ADGRB2: variants seen among roughly 807,000 people sequenced by gnomAD.
ADGRB2 encodes the protein brain-specific angiogenesis inhibitor 2.
ADGRB2 carries 47 observed loss-of-function variants against 178.7 expected under a neutral mutation model. The observed-to-expected ratio is 0.26, with a 90% confidence interval of 0.21 to 0.34. The LOEUF is 0.34. Ranked by LOEUF, ADGRB2 falls within the 10% of genes least tolerant of loss-of-function variation. The probability of loss-of-function intolerance (pLI) is 1.00; values close to 1 mark genes in which losing one functional copy is unlikely to be tolerated. For synonymous variants in ADGRB2, 870 were observed against 912.4 expected (o/e 0.95, Z 0.84); for missense variants, 1,584 against 2,180.8 (o/e 0.73, Z 5.45).
At chr1:31,739,665 G>A in intron 14 of ADGRB2, 30 bp from the exon 15 acceptor site, 1 of 1,548,044 alleles carries the variant, frequency 6.5e-7, no homozygotes, top group Non-Finnish European at 8.7e-7. Context: ...GACAGAGACA[G>A]ACAGAGGGGC....
rs774313895 is a variant in ADGRB2 at position 31,756,325 on chromosome 1, C to T, written c.512G>A (p.Arg171His). ...CLSAEPSEAP[R>H]LLAPAALAFR... ...GGCTAGGGCAGCGGGCGCCAGCAGG[C>T]GCGGGGCCTCGGAGGGCTCAGCCGA... Residue 171 changes from arginine (R) to histidine (H), a missense_variant, in exon 4 of 33, where the codon CGC becomes CAC. Transcript: ENST00000373658. The surrounding 1 kb of genome is among the most constrained non-coding windows in gnomAD (Gnocchi z 8.5). The T allele has an allele frequency of 6.2e-6, 10 of 1,612,914 alleles. No homozygotes were observed. The Admixed American group carries it at 8.3e-5, about 13-fold the overall frequency.
rs1645579383 is a variant in ADGRB2, at chr1:31,735,884, G to A, written c.3210C>T (p.Leu1070=). Reference sequence around the variant, plus strand: ...CGTAGAGCAGGCCGCCCTCCAGGGAGAGCCAGCAGCTGGGGTGGGGGAGAA... The same window carrying A: ...CGTAGAGCAGGCCGCCCTCCAGGGAAAGCCAGCAGCTGGGGTGGGGGAGAA... The part of the protein sequence containing the change: ...KGYGTSSYCW[L]SLEGGLLYAF... The change falls in exon 23 of 33, where the codon CTC becomes CTT. Residue 1070 remains leucine, a synonymous_variant. Transcript: ENST00000373658. This position sits in a 1 kb window ranked among gnomAD's most constrained non-coding sequence, Gnocchi z 6.0. 2 of 1,597,844 alleles carry A rather than the reference G, an allele frequency of 1.3e-6. No homozygotes were observed. Among genetic ancestry groups the A allele is most frequent in the South Asian group, 1.1e-5 (1 of 88,626 alleles).
Position 31,730,815 on chromosome 1 carries a change from C to T in ADGRB2, c.4365G>A (p.Lys1455=). 1 of 1,504,708 alleles carries T rather than the reference C, an allele frequency of 6.6e-7. No homozygotes were observed. The highest frequency in any genetic ancestry group is 8.9e-7 in the Non-Finnish European group (1 of 1,126,644). The allele number at this position is 1,504,708 out of a possible 1,614,324, so 93.2% of individuals were successfully genotyped here. A position where few individuals can be genotyped will look rare whatever the true frequency, so the allele number is the denominator to read the frequency against. ...MPRTVPGSTM[K]MGSLERKKLR... ...AGCCCCTCACCTCCAGGGAGCCCAT[C>T]TTCATGGTAGAGCCGGGCACGGTGC... The change falls in exon 29 of 33, where the codon AAG becomes AAA. Residue 1455 remains lysine, a synonymous_variant. Coordinates refer to ENST00000373658, the MANE Select transcript of ADGRB2 (RefSeq NM_001364857.2).
In ADGRB2 at chr1:31,731,254, G is replaced by A. The variant is rs1265353433; in HGVS notation, c.3926C>T (p.Ser1309Leu). The A allele has an allele frequency of 6.2e-7, 1 of 1,609,358 alleles. No individual in the cohort carries two copies. The highest frequency in any genetic ancestry group is 8.5e-7 in the Non-Finnish European group (1 of 1,178,540). The change falls in exon 29 of 33, where the codon TCA becomes TTA. Residue 1309 changes from serine (S) to leucine (L), a missense_variant. Transcript: ENST00000373658. ...GGGCGGAGGCTCCCCCAGCCCTGGT[G>A]AGGCTGCCATGGGCACCAGGATATT... ...PGNILVPMAA[S>L]PGLGEPPPPQ...
Position 31,759,602 on chromosome 1 carries a change from C to T in ADGRB2, c.-190-2091G>A, listed in dbSNP as rs116933207. Among the ~76,000 whole-genome samples the T allele has an allele frequency of 9.4e-4, 143 of 152,330 alleles. 1 individual carries two copies. In the East Asian group the frequency reaches 0.026, roughly 28 times the overall value. ...CACCTTCACGCTCATTCTGGGATTTCGTCCTGGACATGCGTAACCCTCACT... is the reference window on the plus strand; with the variant it reads ...CACCTTCACGCTCATTCTGGGATTTTGTCCTGGACATGCGTAACCCTCACT... On this transcript the variant is annotated intron_variant, in intron 1 of 32. Coordinates refer to ENST00000373658, the MANE Select transcript of ADGRB2 (RefSeq NM_001364857.2). This position sits in a 1 kb window ranked among gnomAD's most constrained non-coding sequence, Gnocchi z 4.3.
In ADGRB2 at chr1:31,756,328, G is replaced by T; in HGVS notation, c.509C>A (p.Pro170Gln). ...LCLSAEPSEA[P>Q]RLLAPAALAF... ...TAGGGCAGCGGGCGCCAGCAGGCGC[G>T]GGGCCTCGGAGGGCTCAGCCGACAG... The change falls in exon 4 of 33, where the codon CCG becomes CAG. Residue 170 changes from proline to glutamine, a missense_variant. Physicochemically the swap from Pro to Gln is moderately conservative, Grantham distance 76. Around this residue, in one of 3 missense-constraint regions of ADGRB2, gnomAD observed 657 missense variants for 847.6 expected, o/e 0.78. Transcript: ENST00000373658. This position sits in a 1 kb window ranked among gnomAD's most constrained non-coding sequence, Gnocchi z 8.5. The T allele has an allele frequency of 6.2e-7, 1 of 1,612,902 alleles. No homozygotes were observed. Among genetic ancestry groups the T allele is most frequent in the Non-Finnish European group, 8.5e-7 (1 of 1,179,938 alleles).
chr1:31,751,397 G>C (rs1395015311), intron 4 of ADGRB2, among the ~76,000 whole-genome samples: 1 of 152,220 alleles, frequency 6.6e-6, no homozygotes, highest in African/African-American at 2.4e-5. Flanking sequence ...TGATGTAATT[G>C]ATGGTACCCA....
At position 31,735,704 on chromosome 1, in the gene ADGRB2, A is replaced by G. The variant is rs763830458; in HGVS notation, c.3268-39T>C. On this transcript the variant is annotated intron_variant, in intron 23 of 32. Coordinates refer to ENST00000373658, the MANE Select transcript of ADGRB2 (RefSeq NM_001364857.2). This position sits in a 1 kb window ranked among gnomAD's most constrained non-coding sequence, Gnocchi z 6.0. The stretch of plus-strand genomic sequence containing the variant: ...AGAGTGGAGTGGGGGAGACAGGATC[A>G]CCAGGTGCCCTCCTGGCAGGGAAAT... 1 of 1,574,894 alleles carries G rather than the reference A, an allele frequency of 6.3e-7. No individual in the cohort carries two copies. The highest frequency in any genetic ancestry group is 1.2e-5 in the South Asian group (1 of 85,384).
rs372903014 is a variant in ADGRB2 at position 31,731,183 on chromosome 1, G to A, written c.3997C>T (p.Arg1333Trp). The A allele has an allele frequency of 2.5e-6, 4 of 1,598,908 alleles. No individual in the cohort carries two copies. The highest frequency in any genetic ancestry group is 1.1e-5 in the South Asian group (1 of 88,776). ...CGCAGCCATGTGAGGTCCAGCTGCCGCAGGCCACCCTCCCCACACATGTAA... is the reference window on the plus strand; with the variant it reads ...CGCAGCCATGTGAGGTCCAGCTGCCACAGGCCACCCTCCCCACACATGTAA... Reference protein sequence around the residue: ...PVYMCGEGGLRQLDLTWLRPT... With the variant: ...PVYMCGEGGLWQLDLTWLRPT... The change falls in exon 29 of 33, where the codon CGG becomes TGG. Residue 1333 changes from arginine to tryptophan, a missense_variant. Coordinates refer to ENST00000373658, the MANE Select transcript of ADGRB2 (RefSeq NM_001364857.2).
intron 6 of ADGRB2, chr1:31,743,453 A>C: frequency 6.5e-6 from 1 of 153,462 alleles, no homozygotes; most frequent in Non-Finnish European, 1.4e-5. Context: ...ACAAATAAAC[A>C]TGAACCTCTA....
At position 31,744,091 on chromosome 1, in the gene ADGRB2, T is replaced by C. The variant is rs190340561; in HGVS notation, c.1087+102A>G. ...GTGGGGAACAGCCACATTTGTTGAA[T>C]GAAAGGAGGAGGCAACCAACCATTT... On this transcript the variant is annotated intron_variant, in intron 6 of 32. Coordinates refer to ENST00000373658, the MANE Select transcript of ADGRB2 (RefSeq NM_001364857.2). This position sits in a 1 kb window ranked among gnomAD's most constrained non-coding sequence, Gnocchi z 6.7. The C allele has an allele frequency of 7.3e-7, 1 of 1,374,636 alleles. No individual in the cohort carries two copies. Among genetic ancestry groups the C allele is most frequent in the Non-Finnish European group, 9.7e-7 (1 of 1,031,168 alleles). 85.2% of individuals were successfully genotyped at this position (1,374,636 alleles called of 1,614,324 possible).
rs956985553 is a variant in ADGRB2, at chr1:31,755,645, G to C, written c.838+354C>G. Among the ~76,000 whole-genome samples, 21 of 151,806 alleles carry C rather than the reference G, an allele frequency of 1.4e-4. No homozygotes were observed. The highest frequency in any genetic ancestry group is 4.8e-4 in the African/African-American group (20 of 41,312). Reference sequence around the variant, plus strand: ...CCTTGGGCCTTTGTGCACCCTTCTTGCTCTGCCTAGAATGCCCTCATCTCA... The same window carrying C: ...CCTTGGGCCTTTGTGCACCCTTCTTCCTCTGCCTAGAATGCCCTCATCTCA... On this transcript the variant is annotated intron_variant, in intron 4 of 32. Coordinates refer to ENST00000373658, the MANE Select transcript of ADGRB2 (RefSeq NM_001364857.2). This position sits in a 1 kb window ranked among gnomAD's most constrained non-coding sequence, Gnocchi z 5.1.
intron 4 of ADGRB2, among the ~76,000 whole-genome samples, chr1:31,745,053 G>A (rs569924135): frequency 5.9e-5 from 9 of 152,260 alleles, no homozygotes; most frequent in African/African-American, 1.4e-4. Context: ...TGCCAAGTGC[G>A]GCCCATAACC....
chr1:31,737,576 T>A, intron 19 of ADGRB2, 45 bp from the exon 20 acceptor site: 1 of 1,611,470 alleles, frequency 6.2e-7, no homozygotes. Context: ...GGCTGCCCCA[T>A]CCGACCTGGT....
rs747465394 is a variant in ADGRB2 at position 31,741,848 on chromosome 1, C to T, written c.1537G>A (p.Glu513Lys). Residue 513 changes from glutamate to lysine, a missense_variant, in exon 9 of 33, where the codon GAG becomes AAG. Glu to Lys is a moderately conservative substitution (Grantham distance 56, BLOSUM62 1). Around this residue, in one of 3 missense-constraint regions of ADGRB2, gnomAD observed 657 missense variants for 847.6 expected, o/e 0.78. Transcript: ENST00000373658. This position sits in a 1 kb window ranked among gnomAD's most constrained non-coding sequence, Gnocchi z 6.5. ...QATGTQGYPCEGTGEEVKPCS... is the reference protein window; with the variant it reads ...QATGTQGYPCKGTGEEVKPCS... ...GGCTTCACCTCCTCTCCGGTGCCCT[C>T]GCAGGGGTAGCCCTGCGTGCCCGTG... The T allele has an allele frequency of 5.6e-6, 9 of 1,605,942 alleles. No individual in the cohort carries two copies. The highest frequency in any genetic ancestry group is 2.2e-5 in the East Asian group (1 of 44,736).
At chr1:31,731,442 G>A (rs761343360) in intron 28 of ADGRB2, 23 bp from the exon 29 acceptor site, 1 of 1,560,282 alleles carries the variant, frequency 6.4e-7, no homozygotes, top group Non-Finnish European at 8.7e-7. Flanking sequence ...GTGGGAGGGA[G>A]GGGGTGAGTC....
intron 14 of ADGRB2, 51 bp from the exon 15 acceptor site, chr1:31,739,686 G>A (rs768984613): frequency 1.8e-5 from 27 of 1,529,908 alleles, no homozygotes; most frequent in Middle Eastern, 1.7e-4. Flanking sequence ...AGAAACAAAG[G>A]GTGGCAGACC....
At chr1:31,749,388 C>A (rs1646442736) in intron 4 of ADGRB2, among the ~76,000 whole-genome samples, 1 of 152,222 alleles carries the variant, frequency 6.6e-6, no homozygotes, top group Admixed American at 6.5e-5. Context: ...AAGCACACTG[C>A]AAAGCCATAT....
At position 31,740,580 on chromosome 1, in the gene ADGRB2, G is replaced by A; in HGVS notation, c.1795-39C>T. The A allele has an allele frequency of 6.5e-7, 1 of 1,539,272 alleles. No individual in the cohort carries two copies. The highest frequency in any genetic ancestry group is 2.0e-5 in the Admixed American group (1 of 50,762). On this transcript the variant is annotated intron_variant, in intron 11 of 32. Transcript: ENST00000373658. This position sits in a 1 kb window ranked among gnomAD's most constrained non-coding sequence, Gnocchi z 5.9. ...GGGGGCCACAGTCACTGAAGTGTCA[G>A]GAGCTGGAACCAGACCCTGGCCCAT...
Sources: allele counts gnomAD v4.1 joint callset (sites outside exome capture counted in the v4.1 genomes callset), GRCh38; gene constraint gnomAD v4.1.1; regional missense constraint gnomAD v4.1.1; non-coding constraint Gnocchi (gnomAD v3.1); transcripts MANE v1.5; gene names NCBI Gene and HGNC (gene_info 2026-07-23, HGNC 2026-07-21).